Variants in KCNMB2 observed in about 807,000 individuals in gnomAD.
The protein encoded by KCNMB2 is calcium-activated potassium channel subunit beta-2.
Under a neutral mutation model 24.5 loss-of-function variants are expected in KCNMB2, and 9 were observed. That is an observed-to-expected ratio of 0.37 (90% CI 0.22 to 0.64). The LOEUF is 0.64. Among genes scored for constraint, KCNMB2 ranks in the 30% least tolerant of loss-of-function variants. The pLI, the probability that KCNMB2 is intolerant of heterozygous loss-of-function variation, is 0.63. For missense variants in KCNMB2, 226 were observed against 284.3 expected (o/e 0.79, Z 1.47); for synonymous variants, 109 against 104.4 (o/e 1.04, Z -0.27).
intron 1 of KCNMB2, among the ~76,000 whole-genome samples, chr3:178,715,599 G>A (rs1334609328): frequency 6.6e-6 from 1 of 152,158 alleles, no homozygotes; most frequent in Non-Finnish European, 1.5e-5. Flanking sequence ...TCTGGTTTCT[G>A]AGTCCTACTG....
At chr3:178,604,376 T>C (rs992643297) in intron 1 of KCNMB2, among the ~76,000 whole-genome samples, 3 of 144,558 alleles carry the variant, frequency 2.1e-5, no homozygotes, top group Admixed American at 7.0e-5. Context: ...ACAAAAAACA[T>C]GCTGAAAGAA....
At chr3:178,689,600 C>T (rs893468442) in intron 1 of KCNMB2, among the ~76,000 whole-genome samples, 1 of 152,148 alleles carries the variant, frequency 6.6e-6, no homozygotes, top group Admixed American at 6.5e-5. Flanking sequence ...TGCACCACTG[C>T]ACTCCAGCCT....
intron 1 of KCNMB2, among the ~76,000 whole-genome samples, chr3:178,744,779 A>G (rs980945911): frequency 4.0e-5 from 6 of 151,768 alleles, no homozygotes; most frequent in African/African-American, 1.5e-4. Context: ...CAGGGCAGCC[A>G]TAAATCCCCA....
At chr3:178,756,624 C>T (rs911017380) in intron 1 of KCNMB2, among the ~76,000 whole-genome samples, 1 of 152,040 alleles carries the variant, frequency 6.6e-6, no homozygotes, top group East Asian at 1.9e-4. Context: ...GTCCATTATG[C>T]CTATTTTTAT....
intron 1 of KCNMB2, among the ~76,000 whole-genome samples, chr3:178,642,941 C>T (rs988237347): frequency 6.6e-6 from 1 of 152,300 alleles, no homozygotes; most frequent in East Asian, 1.9e-4. Flanking sequence ...ACTTTCCCCA[C>T]CTGCAGAAGA....
chr3:178,604,826 C>T (rs1048424469), intron 1 of KCNMB2, among the ~76,000 whole-genome samples: 1 of 152,154 alleles, frequency 6.6e-6, no homozygotes, highest in African/African-American at 2.4e-5. Flanking sequence ...TCATTTAAAT[C>T]AATCAGTTTC....
rs577694377 is a variant in KCNMB2, at chr3:178,766,308, C to T, written c.-67-41035C>T. Among the ~76,000 whole-genome samples, 4 of 152,272 alleles carry T rather than the reference C, an allele frequency of 2.6e-5. No homozygotes were observed. The East Asian group carries it at 7.7e-4, about 29-fold the overall frequency. On this transcript the variant is annotated intron_variant, in intron 1 of 4. Coordinates refer to ENST00000452583, the MANE Select transcript of KCNMB2 (RefSeq NM_181361.3). ...TCCTGGGCTCAAGCGATCCTCCTGCCTTGGCCTCCCAAGTAGCTAAAACTA... is the reference window on the plus strand; with the variant it reads ...TCCTGGGCTCAAGCGATCCTCCTGCTTTGGCCTCCCAAGTAGCTAAAACTA...
At chr3:178,778,455 GACAC>G (rs71628070) in intron 1 of KCNMB2, among the ~76,000 whole-genome samples, 3,836 of 127,412 alleles carry the variant, frequency 0.03, 125 homozygotes, top group African/African-American at 0.077. Flanking sequence ...TACCCTTTAA[GACAC>G]ACACACACAC....
chr3:178,780,135 G>T (rs1229386485), intron 1 of KCNMB2, among the ~76,000 whole-genome samples: 1 of 150,018 alleles, frequency 6.7e-6, no homozygotes, highest in African/African-American at 2.5e-5. Flanking sequence ...CTGTTGTCCT[G>T]ATTGATACTT....
At chr3:178,606,644 G>A (rs1353610032) in intron 1 of KCNMB2, among the ~76,000 whole-genome samples, 1 of 151,914 alleles carries the variant, frequency 6.6e-6, no homozygotes, top group Non-Finnish European at 1.5e-5. Flanking sequence ...TCCCTTTAAT[G>A]TATTTTGCAT....
intron 1 of KCNMB2, among the ~76,000 whole-genome samples, chr3:178,700,197 C>G (rs1330213946): frequency 2.0e-5 from 3 of 152,182 alleles, no homozygotes; most frequent in East Asian, 3.8e-4. Context: ...TTTTACAATG[C>G]AAATATTAAT....
At chr3:178,642,678 TTGCTGGGGTGA>T (rs942381601) in intron 1 of KCNMB2, among the ~76,000 whole-genome samples, 2 of 152,204 alleles carry the variant, frequency 1.3e-5, no homozygotes, top group African/African-American at 4.8e-5. Context: ...TTAAACTCCA[TTGCTGGGGTGA>T]AAATCTTGCA....
chr3:178,818,388 C>T (rs910348822), intron 2 of KCNMB2, among the ~76,000 whole-genome samples: 2 of 152,104 alleles, frequency 1.3e-5, no homozygotes, highest in Non-Finnish European at 2.9e-5. Context: ...GTATTAAGCC[C>T]AGCATGCACT....
At chr3:178,758,730 C>CTCTCTCTA (rs1236638238) in intron 1 of KCNMB2, among the ~76,000 whole-genome samples, 2 of 35,638 alleles carry the variant, frequency 5.6e-5, no homozygotes, top group African/African-American at 1.4e-4. Context: ...ATATATATCT[C>CTCTCTCTA]CAAGAGGAGA....
At chr3:178,772,382 T>G (rs889784417) in intron 1 of KCNMB2, among the ~76,000 whole-genome samples, 2 of 152,178 alleles carry the variant, frequency 1.3e-5, no homozygotes, top group African/African-American at 4.8e-5. Context: ...GCTGGAAGGA[T>G]GCAACTGAAT....
At chr3:178,699,250 T>A (rs1721996982) in intron 1 of KCNMB2, among the ~76,000 whole-genome samples, 1 of 152,194 alleles carries the variant, frequency 6.6e-6, no homozygotes, top group Non-Finnish European at 1.5e-5. Context: ...CTGCACAGTG[T>A]TAGTGCAAAA....
chr3:178,606,660 A>C (rs760396473), intron 1 of KCNMB2, among the ~76,000 whole-genome samples: 1 of 152,098 alleles, frequency 6.6e-6, no homozygotes, highest in Non-Finnish European at 1.5e-5. Flanking sequence ...TGCATGTAAG[A>C]AGGACATGAT....
chr3:178,647,943 G>T (rs1049445931), intron 1 of KCNMB2, among the ~76,000 whole-genome samples: 1 of 151,990 alleles, frequency 6.6e-6, no homozygotes, highest in African/African-American at 2.4e-5. Context: ...GTAATGTTTT[G>T]ATATAATTAT....
chr3:178,548,015 C>A (rs1245132032), intron 1 of KCNMB2, among the ~76,000 whole-genome samples: 1 of 152,210 alleles, frequency 6.6e-6, no homozygotes, highest in Non-Finnish European at 1.5e-5. Context: ...CCTACTGATT[C>A]TTCTTTCAAA....
Sources: allele counts gnomAD v4.1 joint callset (sites outside exome capture counted in the v4.1 genomes callset), GRCh38; gene constraint gnomAD v4.1.1; transcripts MANE v1.5; gene names NCBI Gene and HGNC (gene_info 2026-07-23, HGNC 2026-07-21).